Variants in USP34 observed in about 807,000 individuals in gnomAD.
USP34 encodes the protein ubiquitin specific peptidase 34, also known as ubiquitin carboxyl-terminal hydrolase 34.
In USP34, 70 loss-of-function variants were observed where a neutral mutation model predicts 460.3. The observed-to-expected ratio is 0.15, with a 90% CI of 0.13 to 0.19. The LOEUF is 0.19. Among genes scored for constraint, USP34 ranks in the 10% least tolerant of loss-of-function variants. The pLI, the probability that USP34 is intolerant of heterozygous loss-of-function variation, is 1.00. For synonymous variants in USP34, 1,647 were observed against 1,405.3 expected, an observed-to-expected ratio of 1.17 and a Z score of -3.85; for missense variants, 3,985 against 4,236.2, an observed-to-expected ratio of 0.94 and a Z score of 1.65.
In USP34 at chr2:61,248,680, T is replaced by C. The variant is rs367926490; in HGVS notation, c.6225A>G (p.Ala2075=). 11 of 1,556,548 alleles carry C rather than the reference T, an allele frequency of 7.1e-6. No individual in the cohort carries two copies. The highest frequency in any genetic ancestry group is 2.3e-5 in the East Asian group (1 of 43,864). The change falls in exon 49 of 80, where the codon GCA becomes GCG. Residue 2075 remains alanine, a synonymous_variant. Coordinates refer to ENST00000398571, the MANE Select transcript of USP34 (RefSeq NM_014709.4). ...CGKKVRAEKR[A]CFKKLPRILS... The stretch of plus-strand genomic sequence containing the variant: ...AAATGCGAGGCAATTTCTTAAAACA[T>C]GCCCTGAGAGACAAGAAAAAAATTA...
chr2:61,276,500 G>A (rs1689376624), intron 41 of USP34, among the ~76,000 whole-genome samples: 1 of 151,974 alleles, frequency 6.6e-6, no homozygotes, highest in East Asian at 1.9e-4. Flanking sequence ...CGTATTTACT[G>A]TATCCATGAA....
chr2:61,312,362 G>C (rs1275087935), intron 25 of USP34, among the ~76,000 whole-genome samples: 1 of 152,070 alleles, frequency 6.6e-6, no homozygotes, highest in African/African-American at 2.4e-5. Flanking sequence ...AATAGAATTT[G>C]AGAGTCAATT....
intron 76 of USP34, 99 bp from the exon 77 acceptor site, chr2:61,190,757 G>A: frequency 7.2e-7 from 1 of 1,382,686 alleles, no homozygotes; most frequent in Non-Finnish European, 9.6e-7. Context: ...TGTGTATGAT[G>A]GAATCTGAAG....
chr2:61,228,815 A>C lies in USP34; in HGVS notation c.7368+12T>G, dbSNP rs375776508. ...GTAGATAATCAAAAAAATAGACAAG[A>C]TATAGCCTCACCTCTTCTTCACCCA... On this transcript the variant is annotated intron_variant, in intron 60 of 79. Transcript: ENST00000398571. The C allele has an allele frequency of 4.4e-6, 7 of 1,597,964 alleles. No homozygotes were observed. The highest frequency in any genetic ancestry group is 2.2e-5 in the East Asian group (1 of 44,734).
At chr2:61,402,022 A>G (rs943434972) in intron 3 of USP34, among the ~76,000 whole-genome samples, 2 of 151,844 alleles carry the variant, frequency 1.3e-5, no homozygotes, top group Admixed American at 6.6e-5. Flanking sequence ...AGGTCAAGGC[A>G]GGAGGATCAC....
intron 1 of USP34, among the ~76,000 whole-genome samples, chr2:61,424,837 G>GA (rs1694464561): frequency 6.6e-6 from 1 of 152,084 alleles, no homozygotes; most frequent in Non-Finnish European, 1.5e-5. Flanking sequence ...GGAAGCCACT[G>GA]AATTTTTTTT....
chr2:61,400,188 C>T (rs2103918263), intron 3 of USP34, among the ~76,000 whole-genome samples: 1 of 151,164 alleles, frequency 6.6e-6, no homozygotes, highest in Non-Finnish European at 1.5e-5. Flanking sequence ...CGGCTCATTA[C>T]AAGCTCCGCC....
chr2:61,446,490 G>C (rs983964801), intron 1 of USP34, among the ~76,000 whole-genome samples: 5 of 152,168 alleles, frequency 3.3e-5, no homozygotes, highest in Non-Finnish European at 7.3e-5. Context: ...AGTACTGTCT[G>C]TTACATTAAA....
rs1336939900 is a variant in USP34, at chr2:61,188,322, G to A, written c.10421C>T (p.Ser3474Phe). The change falls in exon 80 of 80, where the codon TCT (serine) becomes TTT (phenylalanine). Residue 3474 changes from serine to phenylalanine, a missense_variant. By Grantham distance (155) the Ser-to-Phe change is radical (BLOSUM62 -2). Around this residue, in one of 14 missense-constraint regions of USP34, gnomAD observed 506 missense variants for 439.0 expected, o/e 1.15. Coordinates refer to ENST00000398571, the MANE Select transcript of USP34 (RefSeq NM_014709.4). ...EESEFPSTSISAVLSDLADLR... is the reference protein window; with the variant it reads ...EESEFPSTSIFAVLSDLADLR... ...GTCAGCTAAGTCAGACAGAACTGCA[G>A]AGATAGAAGTAGAAGGGAACTCAGA... The A allele has an allele frequency of 6.2e-7, 1 of 1,613,664 alleles. No homozygotes were observed. Among genetic ancestry groups the A allele is most frequent in the Admixed American group, 1.7e-5 (1 of 60,024 alleles).
At chr2:61,454,858 G>GTTT (rs1411733369) in intron 1 of USP34, among the ~76,000 whole-genome samples, 2 of 102,074 alleles carry the variant, frequency 2.0e-5, no homozygotes, top group Admixed American at 1.0e-4. Context: ...AATATAGTGG[G>GTTT]GTTTTTTTTT....
intron 44 of USP34, among the ~76,000 whole-genome samples, chr2:61,259,098 A>G (rs112917219): frequency 0.012 from 1,791 of 152,066 alleles, 33 homozygotes; most frequent in African/African-American, 0.041. Context: ...GTCTCTACTA[A>G]AAATACAAAA....
rs542206535 is a variant in USP34 at position 61,361,285 on chromosome 2, G to T, written c.1251+9036C>A. On this transcript the variant is annotated intron_variant, in intron 10 of 79. Transcript: ENST00000398571. ...AAAAATTAAAAGTTAGCTGGGCATG[G>T]TGGCATGCTCTTGTAGTCCTAGCTA... Among the ~76,000 whole-genome samples, 12 of 152,234 alleles carry T rather than the reference G, an allele frequency of 7.9e-5. No individual in the cohort carries two copies. In the South Asian group the frequency reaches 1.5e-3, roughly 18 times the overall value.
intron 1 of USP34, among the ~76,000 whole-genome samples, chr2:61,452,168 C>T (rs1387336463): frequency 9.7e-5 from 14 of 144,774 alleles, no homozygotes; most frequent in Non-Finnish European, 9.0e-5. Context: ...AGCGAGACTC[C>T]GTCTCAAAAA....
At chr2:61,297,013 A>G in intron 29 of USP34, 88 bp from the exon 30 acceptor site, 1 of 1,484,694 alleles carries the variant, frequency 6.7e-7, no homozygotes, top group East Asian at 2.3e-5. Context: ...TAATGATCAA[A>G]TTTGCTAATA....
intron 53 of USP34, among the ~76,000 whole-genome samples, chr2:61,237,889 A>G (rs867930320): frequency 4.8e-5 from 7 of 147,256 alleles, no homozygotes; most frequent in Middle Eastern, 3.6e-3. Context: ...CACCCTAGCT[A>G]TTTTCTTTTT....
intron 18 of USP34, among the ~76,000 whole-genome samples, chr2:61,334,178 T>C (rs1407287278): frequency 1.3e-5 from 2 of 152,086 alleles, no homozygotes; most frequent in Admixed American, 1.3e-4. Context: ...CAATCCAAGA[T>C]CTTTAAGGTA....
intron 1 of USP34, among the ~76,000 whole-genome samples, chr2:61,467,095 G>A (rs527437481): frequency 6.6e-6 from 1 of 152,014 alleles, no homozygotes; most frequent in South Asian, 2.1e-4. Flanking sequence ...CACACGGTAA[G>A]GAGTTCAGAC....
At chr2:61,313,734 A>C (rs1690663665) in intron 25 of USP34, among the ~76,000 whole-genome samples, 1 of 152,154 alleles carries the variant, frequency 6.6e-6, no homozygotes, top group African/African-American at 2.4e-5. Flanking sequence ...CATGAATTGC[A>C]ATCTTAAAGA....
At chr2:61,191,184 C>T (rs2103734738) in intron 76 of USP34, 1 of 152,534 alleles carries the variant, frequency 6.6e-6, no homozygotes, top group South Asian at 2.1e-4. Context: ...AACAATAAAT[C>T]TTCTTTCCTA....
Sources: gnomAD v4.1 joint callset for allele counts (sites outside exome capture counted in the v4.1 genomes callset) on GRCh38, gnomAD v4.1.1 for gene constraint, gnomAD v4.1.1 regional missense constraint, MANE v1.5 for transcripts, NCBI Gene and HGNC (gene_info 2026-07-23, HGNC 2026-07-21) for gene names.